Variants in SLC45A1 observed in about 807,000 individuals in gnomAD.
SLC45A1 encodes the protein proton-associated sugar transporter A.
SLC45A1 carries 28 observed loss-of-function variants against 57.6 expected under a neutral mutation model. The ratio of observed to expected loss-of-function variants is 0.49; its 90% CI spans 0.36 to 0.67. SLC45A1 has a LOEUF of 0.67. SLC45A1 is among the 30% of genes least tolerant of loss of function. The pLI is 0.00. For synonymous variants in SLC45A1, 459 were observed against 471.5 expected, an observed-to-expected ratio of 0.97 and a Z score of 0.34; for missense variants, 814 against 1,041.5, an observed-to-expected ratio of 0.78 and a Z score of 3.01.
intron 5 of SLC45A1, among the ~76,000 whole-genome samples, chr1:8,333,461 G>A (rs932201442): frequency 6.6e-6 from 1 of 151,826 alleles, no homozygotes; most frequent in Non-Finnish European, 1.5e-5. Context: ...TTTGATACAG[G>A]GTCTCACTTT....
intron 7 of SLC45A1, 75 bp from the exon 8 acceptor site, chr1:8,339,418 G>A (rs1301087726): frequency 1.9e-5 from 27 of 1,459,448 alleles, no homozygotes; most frequent in Non-Finnish European, 2.6e-5. Flanking sequence ...GTCAGCCGCC[G>A]GGAGGTGGCA....
chr1:8,320,304 C>A (rs1428528643), intron 1 of SLC45A1, among the ~76,000 whole-genome samples: 1 of 152,116 alleles, frequency 6.6e-6, no homozygotes, highest in Non-Finnish European at 1.5e-5. Context: ...GGGCCGTCTA[C>A]ATAGTCCACT....
intron 8 of SLC45A1, among the ~76,000 whole-genome samples, chr1:8,340,147 A>C (rs1380503631): frequency 2.6e-5 from 4 of 151,972 alleles, no homozygotes; most frequent in Admixed American, 2.6e-4. Context: ...TGGAGAACAA[A>C]AACATCTTTC....
At position 8,325,375 on chromosome 1, in the gene SLC45A1, C is replaced by A. The variant is rs1640164150; in HGVS notation, c.475C>A (p.Leu159Ile). The change falls in exon 3 of 9, where the codon CTT (leucine) becomes ATT (isoleucine). Residue 159 changes from leucine to isoleucine, a missense_variant. Leu to Ile is a conservative substitution (Grantham distance 5). Transcript: ENST00000471889. The surrounding 1 kb of genome is among the most constrained non-coding windows in gnomAD (Gnocchi z 6.3). ...GTTTGGAAGGAGACGCCCTTTCATT[C>A]TTGTCCTGGCTATAGGTCTGTTGTT... ...SRFGRRRPFI[L>I]VLAIGALLGL... is the part of the protein sequence containing the mutation. 3 of 1,609,700 alleles carry A rather than the reference C, an allele frequency of 1.9e-6. No individual in the cohort carries two copies. The highest frequency in any genetic ancestry group is 1.3e-5 in the African/African-American group (1 of 74,658).
At chr1:8,323,685 A>G (rs763030986) in intron 1 of SLC45A1, among the ~76,000 whole-genome samples, 1 of 152,136 alleles carries the variant, frequency 6.6e-6, no homozygotes, top group African/African-American at 2.4e-5. Context: ...TCACTTGTCA[A>G]TGGGTGCTGA....
At position 8,330,372 on chromosome 1, in the gene SLC45A1, G is replaced by A; in HGVS notation, c.879G>A (p.Leu293=). 6.2e-7 allele frequency: 1 copy of A among 1,613,040 alleles called. No homozygotes were observed. The highest frequency in any genetic ancestry group is 8.5e-7 in the Non-Finnish European group (1 of 1,179,958). Residue 293 remains leucine, a synonymous_variant, in exon 5 of 9, where the codon CTG becomes CTA. Coordinates refer to ENST00000471889, the MANE Select transcript of SLC45A1 (RefSeq NM_001080397.3). This position sits in a 1 kb window ranked among gnomAD's most constrained non-coding sequence, Gnocchi z 8.4. The stretch of plus-strand genomic sequence containing the variant: ...TGGTCAGCATCCCTGAGAGGCCGCT[G>A]CGGCCGCCGAGTGAGAAGCGGGCAG... The part of the protein sequence containing the change: ...LTLVSIPERP[L]RPPSEKRAAM...
intron 1 of SLC45A1, among the ~76,000 whole-genome samples, chr1:8,321,216 T>G (rs11121164): frequency 0.55 from 83,380 of 151,996 alleles, 23,365 homozygotes; most frequent in East Asian, 0.76. Context: ...TAATCTTGAT[T>G]TACTCCTTAT....
chr1:8,342,472 C>T (rs1254895457), intron 8 of SLC45A1, among the ~76,000 whole-genome samples: 1 of 152,218 alleles, frequency 6.6e-6, no homozygotes, highest in Non-Finnish European at 1.5e-5. Flanking sequence ...AACCTTCTTC[C>T]TGTCCCCATG....
Position 8,325,577 on chromosome 1 carries a change from A to T in SLC45A1, c.490+187A>T, listed in dbSNP as rs1158248688. Among the ~76,000 whole-genome samples, 1 of 152,146 alleles carries T rather than the reference A, an allele frequency of 6.6e-6. No individual in the cohort carries two copies. Among genetic ancestry groups the T allele is most frequent in the Non-Finnish European group, 1.5e-5 (1 of 68,024 alleles). ...TTAACTGTGAGAATAGATCGCTTTGATCATTTTTAAAAATTGAGTTGATAA... is the reference window on the plus strand; with the variant it reads ...TTAACTGTGAGAATAGATCGCTTTGTTCATTTTTAAAAATTGAGTTGATAA... On this transcript the variant is annotated intron_variant, in intron 3 of 8. Transcript: ENST00000471889. This position sits in a 1 kb window ranked among gnomAD's most constrained non-coding sequence, Gnocchi z 6.3.
intron 1 of SLC45A1, among the ~76,000 whole-genome samples, chr1:8,318,682 C>T (rs1183981289): frequency 1.3e-5 from 2 of 152,224 alleles, no homozygotes; most frequent in Non-Finnish European, 2.9e-5. Context: ...AGGTGGAAGC[C>T]GTTCAGCTCC....
intron 7 of SLC45A1, among the ~76,000 whole-genome samples, chr1:8,339,285 C>G (rs1227470085): frequency 3.3e-5 from 5 of 152,216 alleles, no homozygotes; most frequent in Admixed American, 6.5e-5. Flanking sequence ...CCAGACAGCC[C>G]TGTCCTGGGC....
Position 8,328,574 on chromosome 1 carries a change from C to T in SLC45A1, c.716-1635C>T, listed in dbSNP as rs571703420. On this transcript the variant is annotated intron_variant, in intron 4 of 8. Coordinates refer to ENST00000471889, the MANE Select transcript of SLC45A1 (RefSeq NM_001080397.3). The surrounding 1 kb of genome is among the most constrained non-coding windows in gnomAD (Gnocchi z 4.6). The stretch of plus-strand genomic sequence containing the variant: ...TTCATCTGGGCCGGGCGTGGTGGCT[C>T]ATGCATGTACTCCCAGCACTTTGGG... Among the ~76,000 whole-genome samples, 83 of 151,952 alleles carry T rather than the reference C, an allele frequency of 5.5e-4. No homozygotes were observed. Among genetic ancestry groups the T allele is most frequent in the African/African-American group, 2.0e-3 (82 of 41,438 alleles).
Position 8,339,415 on chromosome 1 carries a change from G to A in SLC45A1, c.1775-78G>A, listed in dbSNP as rs750165948. The A allele has an allele frequency of 3.0e-4, 425 of 1,431,236 alleles. 2 individuals are homozygous for A. Among genetic ancestry groups the A allele is most frequent in the Non-Finnish European group, 3.6e-4 (372 of 1,019,694 alleles). 88.7% of individuals were successfully genotyped at this position (1,431,236 alleles called of 1,614,324 possible). On this transcript the variant is annotated intron_variant, in intron 7 of 8. Coordinates refer to ENST00000471889, the MANE Select transcript of SLC45A1 (RefSeq NM_001080397.3). ...CACCACTGCTAGCTTCAGGTCAGCC[G>A]CCGGGAGGTGGCACTGGAAGCTGAA... is the stretch of plus-strand genomic sequence containing the variant.
chr1:8,343,931 A>G lies in SLC45A1; in HGVS notation c.2165A>G (p.Tyr722Cys). The G allele has an allele frequency of 1.2e-6, 2 of 1,612,920 alleles. No homozygotes were observed. Among genetic ancestry groups the G allele is most frequent in the Non-Finnish European group, 1.7e-6 (2 of 1,179,684 alleles). Residue 722 changes from tyrosine (Y) to cysteine (C), a missense_variant, in exon 9 of 9, where the codon TAC becomes TGC. Tyr to Cys is a radical substitution (Grantham distance 194, BLOSUM62 -2). Transcript: ENST00000471889. This position sits in a 1 kb window ranked among gnomAD's most constrained non-coding sequence, Gnocchi z 7.7. ...CTCGTGTCCTTCCTGGGCTGCCTGT[A>G]CTCCTCCCTGTTTGTCATTTATGAA... is the stretch of plus-strand genomic sequence containing the variant. ...SSLVSFLGCL[Y>C]SSLFVIYEIP...
In SLC45A1 at chr1:8,327,071, G is replaced by A. The variant is rs902849840; in HGVS notation, c.715+1029G>A. Among the ~76,000 whole-genome samples the A allele has an allele frequency of 5.9e-5, 9 of 152,218 alleles. No individual in the cohort carries two copies. Among genetic ancestry groups the A allele is most frequent in the Non-Finnish European group, 1.3e-4 (9 of 68,034 alleles). On this transcript the variant is annotated intron_variant, in intron 4 of 8. Coordinates refer to ENST00000471889, the MANE Select transcript of SLC45A1 (RefSeq NM_001080397.3). This position sits in a 1 kb window ranked among gnomAD's most constrained non-coding sequence, Gnocchi z 4.3. Reference sequence around the variant, plus strand: ...AGCTCAGCCCTGCGGGGCCTCAGCTGGATCACGCACCCTTGGAAGCACAGG... The same window carrying A: ...AGCTCAGCCCTGCGGGGCCTCAGCTAGATCACGCACCCTTGGAAGCACAGG...
chr1:8,324,849 T>A, intron 2 of SLC45A1, 123 bp downstream of exon 2: 1 of 944,034 alleles, frequency 1.1e-6, no homozygotes, highest in Non-Finnish European at 1.5e-6. Context: ...TTCATCAGTC[T>A]GGGACTGTGG....
In SLC45A1 at chr1:8,334,238, C is replaced by T. The variant is rs143901668; in HGVS notation, c.1444-1199C>T. Among the ~76,000 whole-genome samples the T allele has an allele frequency of 1.8e-3, 278 of 152,298 alleles. 2 individuals are homozygous for T. Among genetic ancestry groups the T allele is most frequent in the Admixed American group, 5.6e-3 (86 of 15,300 alleles). On this transcript the variant is annotated intron_variant, in intron 5 of 8. Coordinates refer to ENST00000471889, the MANE Select transcript of SLC45A1 (RefSeq NM_001080397.3). ...GTAAAAATCATGAGCTAAATATAAA[C>T]GCATCCAGGCTCAACGGAGACAGAG... is the stretch of plus-strand genomic sequence containing the variant.
At chr1:8,320,977 G>A (rs888469623) in intron 1 of SLC45A1, among the ~76,000 whole-genome samples, 1 of 152,108 alleles carries the variant, frequency 6.6e-6, no homozygotes, top group African/African-American at 2.4e-5. Context: ...CGATCCAACC[G>A]TCCACCTCAC....
chr1:8,322,824 T>C (rs1057389288), intron 1 of SLC45A1, among the ~76,000 whole-genome samples: 1 of 152,226 alleles, frequency 6.6e-6, no homozygotes, highest in African/African-American at 2.4e-5. Flanking sequence ...GAATTTAGTC[T>C]GTTGCTTTTT....
Sources: gnomAD v4.1 joint callset for allele counts (sites outside exome capture counted in the v4.1 genomes callset) on GRCh38, gnomAD v4.1.1 for gene constraint, Gnocchi (gnomAD v3.1) non-coding constraint, MANE v1.5 for transcripts, NCBI Gene and HGNC (gene_info 2026-07-23, HGNC 2026-07-21) for gene names.